PCDHA2: variants seen among roughly 807,000 people sequenced by gnomAD.
PCDHA2 encodes the protein protocadherin alpha-2.
Under a neutral mutation model 66.0 loss-of-function variants are expected in PCDHA2, and 58 were observed. That is an observed-to-expected ratio of 0.88 (90% CI 0.71 to 1.09). The LOEUF is 1.09. PCDHA2 is among the 50% of genes least tolerant of loss of function. PCDHA2 has a pLI of 0.00. For missense variants in PCDHA2, 1,267 were observed against 1,242.3 expected (o/e 1.02, Z -0.30); for synonymous variants, 634 against 554.0 (o/e 1.14, Z -2.03).
intron 1 of PCDHA2, among the ~76,000 whole-genome samples, chr5:140,872,003 A>C (rs1314439086): frequency 2.0e-5 from 3 of 152,202 alleles, no homozygotes; most frequent in Non-Finnish European, 2.9e-5. Context: ...GGCTATTTAC[A>C]GGTGACCTGT....
intron 1 of PCDHA2, chr5:140,834,106 C>T (rs1156396918): frequency 1.8e-5 from 7 of 396,312 alleles, no homozygotes; most frequent in Non-Finnish European, 3.1e-5. Flanking sequence ...GAAAAAAATT[C>T]AGAGTTTGAA....
intron 1 of PCDHA2, among the ~76,000 whole-genome samples, chr5:140,951,817 C>T (rs981107617): frequency 6.6e-6 from 1 of 152,146 alleles, no homozygotes; most frequent in Non-Finnish European, 1.5e-5. Flanking sequence ...CCCTCAAAGT[C>T]TGAACTCATT....
intron 1 of PCDHA2, chr5:140,928,661 G>A (rs1554206119): frequency 6.2e-7 from 1 of 1,614,218 alleles, no homozygotes; most frequent in Non-Finnish European, 8.5e-7. Flanking sequence ...GATGCTGACA[G>A]TGGTTCTAAT....
intron 1 of PCDHA2, chr5:140,927,739 CG>C: frequency 1.2e-6 from 2 of 1,614,212 alleles, no homozygotes; most frequent in Non-Finnish European, 1.7e-6. Flanking sequence ...GCTGCGACAC[CG>C]CTTTCACGTG....
At position 140,884,430 on chromosome 5, in the gene PCDHA2, T is replaced by G. The variant is rs1554181548; in HGVS notation, c.2388+87078T>G. The G allele has an allele frequency of 2.5e-6, 4 of 1,613,804 alleles. No homozygotes were observed. The African/African-American group carries it at 4.0e-5, about 16-fold the overall frequency. ...CTCACGTTGCTGCTGTATACTGCGC[T>G]GCGGTGCTCGGCACCGCCCACCGAG... On this transcript the variant is annotated intron_variant, in intron 1 of 3. Transcript: ENST00000526136.
chr5:140,890,434 T>C (rs1368664447), intron 1 of PCDHA2, among the ~76,000 whole-genome samples: 2 of 152,226 alleles, frequency 1.3e-5, no homozygotes, highest in Non-Finnish European at 2.9e-5. Flanking sequence ...ATATTTACAA[T>C]ACCTAGTGAT....
At chr5:140,833,431 G>A (rs1035450581) in intron 1 of PCDHA2, among the ~76,000 whole-genome samples, 12 of 152,150 alleles carry the variant, frequency 7.9e-5, no homozygotes, top group African/African-American at 2.9e-4. Context: ...AGATGGCTGA[G>A]CACTGAAATT....
chr5:141,009,709 C>T lies in PCDHA2; in HGVS notation c.2619C>T (p.Asn873=). The part of the protein sequence containing the change: ...NSWTFKYGPG[N]PKQSGPGELP... ...GGACCTTTAAATACGGACCAGGCAA[C>T]CCCAAACAATCCGGTCCCGGTGAGT... The change falls in exon 4 of 4, where the codon AAC becomes AAT. Residue 873 remains asparagine (N), a synonymous_variant. Coordinates refer to ENST00000526136, the MANE Select transcript of PCDHA2 (RefSeq NM_018905.3). 1 of 1,614,118 alleles carries T rather than the reference C, an allele frequency of 6.2e-7. No homozygotes were observed. Among genetic ancestry groups the T allele is most frequent in the Non-Finnish European group, 8.5e-7 (1 of 1,180,024 alleles).
At chr5:140,889,479 T>C (rs1399086830) in intron 1 of PCDHA2, among the ~76,000 whole-genome samples, 1 of 152,184 alleles carries the variant, frequency 6.6e-6, no homozygotes, top group Admixed American at 6.5e-5. Context: ...GCTCATACTT[T>C]CTACAGAATC....
chr5:140,801,720 A>G, intron 1 of PCDHA2: 2 of 1,614,086 alleles, frequency 1.2e-6, no homozygotes, highest in South Asian at 1.1e-5. Context: ...TCTTGATTCC[A>G]CTGAATATTT....
chr5:140,833,767 C>CA (rs1772642182), intron 1 of PCDHA2, among the ~76,000 whole-genome samples: 1 of 151,616 alleles, frequency 6.6e-6, no homozygotes, highest in Non-Finnish European at 1.5e-5. Flanking sequence ...CACACACACA[C>CA]CGCTTTCTAA....
At chr5:140,884,130 C>A in intron 1 of PCDHA2, 1 of 1,613,434 alleles carries the variant, frequency 6.2e-7, no homozygotes, top group South Asian at 1.1e-5. Context: ...GCGCGCATCC[C>A]GTTCCGCGTG....
intron 1 of PCDHA2, chr5:140,878,049 A>G (rs1365340256): frequency 2.1e-6 from 1 of 479,780 alleles, no homozygotes; most frequent in African/African-American, 2.0e-5. Flanking sequence ...GCCATGGAGC[A>G]CCACACTTAA....
Position 140,923,938 on chromosome 5 carries a change from CT to C in PCDHA2, c.2389-55005del, listed in dbSNP as rs1340709876. 2.6e-5 allele frequency among the ~76,000 whole-genome samples: 4 copies of C among 152,122 alleles called. No homozygotes were observed. In the East Asian group the frequency reaches 7.7e-4, roughly 29 times the overall value. On this transcript the variant is annotated intron_variant, in intron 1 of 3. Coordinates refer to ENST00000526136, the MANE Select transcript of PCDHA2 (RefSeq NM_018905.3). ...ATACTGTTCTCTGTATGCATTTTTC[CT>C]TTTTTCCTCACGCCCTAATCTATAC... is the stretch of plus-strand genomic sequence containing the variant.
At chr5:140,835,852 T>C (rs1554135337) in intron 1 of PCDHA2, 1 of 1,612,246 alleles carries the variant, frequency 6.2e-7, no homozygotes, top group Non-Finnish European at 8.5e-7. Context: ...AACGCGCTGG[T>C]GTCCTACTCG....
rs1562687946 is a variant in PCDHA2 at position 140,874,243 on chromosome 5, TG to T, written c.2388+76893del. ...GTAGGAATGAATGGCAACAAATTAT[TG>T]GTTTAAAGATTTTGACTTGAGTATT... On this transcript the variant is annotated intron_variant, in intron 1 of 3. Coordinates refer to ENST00000526136, the MANE Select transcript of PCDHA2 (RefSeq NM_018905.3). 2.0e-5 allele frequency among the ~76,000 whole-genome samples: 3 copies of T among 152,230 alleles called. No homozygotes were observed. In the South Asian group the frequency reaches 6.2e-4, roughly 32 times the overall value.
At chr5:140,960,131 C>T (rs781965980) in intron 1 of PCDHA2, among the ~76,000 whole-genome samples, 11 of 152,114 alleles carry the variant, frequency 7.2e-5, no homozygotes, top group African/African-American at 9.7e-5. Context: ...TTATGAAATA[C>T]TTAGATATTA....
At chr5:140,819,710 A>G (rs1377214086) in intron 1 of PCDHA2, among the ~76,000 whole-genome samples, 1 of 152,128 alleles carries the variant, frequency 6.6e-6, no homozygotes, top group Non-Finnish European at 1.5e-5. Context: ...TAAAAAGTAA[A>G]TATAATTTAA....
At chr5:140,928,292 T>G in intron 1 of PCDHA2, 1 of 1,614,086 alleles carries the variant, frequency 6.2e-7, no homozygotes, top group Middle Eastern at 1.6e-4. Flanking sequence ...CTAGGCCGAG[T>G]GTTTGCCCAG....
Sources: allele counts gnomAD v4.1 joint callset (sites outside exome capture counted in the v4.1 genomes callset), GRCh38; gene constraint gnomAD v4.1.1; transcripts MANE v1.5; gene names NCBI Gene and HGNC (gene_info 2026-07-23, HGNC 2026-07-21).